COMMD9: variants seen among roughly 807,000 people sequenced by gnomAD.
The protein encoded by COMMD9 is COMM domain-containing protein 9.
Under a neutral mutation model 23.4 loss-of-function variants are expected in COMMD9, and 22 were observed. That is an observed-to-expected ratio of 0.94 (90% CI 0.67 to 1.34). COMMD9 has a LOEUF of 1.34. Ranked by LOEUF, COMMD9 falls within the 40% of genes most tolerant of loss-of-function variation. The probability of loss-of-function intolerance (pLI) is 0.00; values close to 1 mark genes in which losing one functional copy is unlikely to be tolerated. For synonymous variants in COMMD9, 99 were observed against 97.4 expected (o/e 1.02, Z -0.10); for missense variants, 231 against 240.2 (o/e 0.96, Z 0.25).
At chr11:36,278,263 A>G (rs1856007559) in intron 3 of COMMD9, 2 of 505,864 alleles carry the variant, frequency 4.0e-6, no homozygotes, top group Non-Finnish European at 6.9e-6. Context: ...ACAGAGGTGT[A>G]AAGAGGAAAA....
chr11:36,278,978 G>A (rs1751368978), intron 2 of COMMD9, among the ~76,000 whole-genome samples: 1 of 152,170 alleles, frequency 6.6e-6, no homozygotes, highest in South Asian at 2.1e-4. Flanking sequence ...GCAGTGCAAA[G>A]TCAGCTGTGT....
chr11:36,289,345 C>T lies in COMMD9; in HGVS notation c.51+17G>A. Reference sequence around the variant, plus strand: ...GACAAAGGGCCACCTCACGCTGTCCCCACCCCTTCGACTTACCTTGAGCAG... The same window carrying T: ...GACAAAGGGCCACCTCACGCTGTCCTCACCCCTTCGACTTACCTTGAGCAG... On this transcript the variant is annotated intron_variant, in intron 1 of 5. Transcript: ENST00000263401. 5 of 1,551,010 alleles carry T rather than the reference C, an allele frequency of 3.2e-6. No individual in the cohort carries two copies. The highest frequency in any genetic ancestry group is 1.7e-4 in the Middle Eastern group (1 of 5,988).
chr11:36,280,218 C>T (rs1158367738), intron 2 of COMMD9, among the ~76,000 whole-genome samples: 1 of 152,242 alleles, frequency 6.6e-6, no homozygotes, highest in Non-Finnish European at 1.5e-5. Context: ...TAACTTACCA[C>T]AAGTTACCTT....
chr11:36,274,749 G>GCATA lies in COMMD9; in HGVS notation c.476_479dup (p.Gly161MetfsTer39). The GCATA allele has an allele frequency of 6.2e-7, 1 of 1,614,246 alleles. No individual in the cohort carries two copies. The highest frequency in any genetic ancestry group is 8.5e-7 in the Non-Finnish European group (1 of 1,180,024). ...CAGCTGAGATGGAGGGTTTGTCTCC[G>GCATA]CATAGGCTGGGATCTTCTTGGATCT... On this transcript the variant is annotated frameshift_variant, in exon 6 of 6. Coordinates refer to ENST00000263401, the MANE Select transcript of COMMD9 (RefSeq NM_014186.4). LOFTEE classifies it high-confidence loss of function.
intron 1 of COMMD9, among the ~76,000 whole-genome samples, chr11:36,285,397 T>TCC (rs1296331787): frequency 1.3e-4 from 20 of 152,086 alleles, no homozygotes; most frequent in Non-Finnish European, 1.6e-4. Flanking sequence ...TAGACCCAGA[T>TCC]AGTTTAACTG....
intron 3 of COMMD9, chr11:36,278,269 G>GAAA: frequency 2.3e-6 from 1 of 436,682 alleles, no homozygotes; most frequent in Non-Finnish European, 4.0e-6. Flanking sequence ...GTGTAAAGAG[G>GAAA]AAAAAAAAAA....
At chr11:36,286,534 A>C (rs547022386) in intron 1 of COMMD9, among the ~76,000 whole-genome samples, 1 of 151,998 alleles carries the variant, frequency 6.6e-6, no homozygotes, top group African/African-American at 2.4e-5. Flanking sequence ...AGGAGGTGGA[A>C]GTTGCAGTGA....
At chr11:36,285,030 G>A (rs1856128863) in intron 1 of COMMD9, among the ~76,000 whole-genome samples, 1 of 152,100 alleles carries the variant, frequency 6.6e-6, no homozygotes, top group Non-Finnish European at 1.5e-5. Context: ...GATAAGAGCA[G>A]AAACCAATGA....
chr11:36,289,077 A>G (rs1360590028), intron 1 of COMMD9, among the ~76,000 whole-genome samples: 2 of 152,174 alleles, frequency 1.3e-5, no homozygotes, highest in African/African-American at 2.4e-5. Flanking sequence ...TACCACTTCA[A>G]TGCACCAATA....
intron 2 of COMMD9, among the ~76,000 whole-genome samples, chr11:36,279,975 A>G (rs1363266230): frequency 6.6e-6 from 1 of 152,094 alleles, no homozygotes. Context: ...GCATCGTGGC[A>G]TATGCTTGCA....
rs1855921743 is a variant in COMMD9 at position 36,273,912 on chromosome 11, C to G, written c.*720G>C. On this transcript the variant is annotated 3_prime_UTR_variant, in exon 6 of 6. Transcript: ENST00000263401. ...TCATCTTTAAAAACTAGAGAAGGTA[C>G]TGGCCAAAAGCTTCAACTTGGGGAC... 1 of 174,050 alleles carries G rather than the reference C, an allele frequency of 5.7e-6. No homozygotes were observed. Among genetic ancestry groups the G allele is most frequent in the Non-Finnish European group, 1.2e-5 (1 of 80,256 alleles). 10.8% of individuals were successfully genotyped at this position (174,050 alleles called of 1,614,324 possible).
intron 1 of COMMD9, 75 bp downstream of exon 1, chr11:36,289,287 G>A (rs1856226777): frequency 7.0e-7 from 1 of 1,424,864 alleles, no homozygotes; most frequent in Non-Finnish European, 9.6e-7. Context: ...GGGTCAATTT[G>A]TTCCCAATTC....
intron 1 of COMMD9, among the ~76,000 whole-genome samples, chr11:36,283,433 A>G (rs1372898267): frequency 6.6e-6 from 1 of 152,212 alleles, no homozygotes; most frequent in African/African-American, 2.4e-5. Flanking sequence ...ATGAGGGAAG[A>G]TAAAGAGGTA....
chr11:36,278,343 G>A (rs572284059), intron 3 of COMMD9, 134 bp downstream of exon 3: 729 of 752,552 alleles, frequency 9.7e-4, no homozygotes, highest in Non-Finnish European at 1.4e-3. Flanking sequence ...TGGAATTACA[G>A]GTGTCTTATT....
intron 5 of COMMD9, among the ~76,000 whole-genome samples, chr11:36,275,730 C>T (rs750432774): frequency 5.3e-5 from 8 of 152,238 alleles, no homozygotes; most frequent in Non-Finnish European, 1.0e-4. Flanking sequence ...GCGTAAGCCA[C>T]TGCTCCCAGC....
chr11:36,288,597 T>C (rs1343462143), intron 1 of COMMD9, among the ~76,000 whole-genome samples: 7 of 151,990 alleles, frequency 4.6e-5, no homozygotes, highest in Admixed American at 3.9e-4. Flanking sequence ...GGTCAGGAGT[T>C]CAAGACCAGC....
chr11:36,286,909 G>A (rs1297238021), intron 1 of COMMD9, among the ~76,000 whole-genome samples: 1 of 152,104 alleles, frequency 6.6e-6, no homozygotes, highest in African/African-American at 2.4e-5. Flanking sequence ...GGCTATTCAT[G>A]AGGAATCTTT....
intron 5 of COMMD9, among the ~76,000 whole-genome samples, chr11:36,275,804 G>A (rs1408781180): frequency 1.3e-5 from 2 of 152,174 alleles, no homozygotes; most frequent in African/African-American, 4.8e-5. Context: ...TGGACAAGAA[G>A]TTGCTGAAGT....
chr11:36,284,141 C>CAAA (rs1163351909), intron 1 of COMMD9, among the ~76,000 whole-genome samples: 1 of 144,646 alleles, frequency 6.9e-6, no homozygotes, highest in Non-Finnish European at 1.5e-5. Context: ...ACAACAACAA[C>CAAA]AAATCTCCCT....
Sources: allele counts gnomAD v4.1 joint callset (sites outside exome capture counted in the v4.1 genomes callset), GRCh38; gene constraint gnomAD v4.1.1; transcripts MANE v1.5; gene names NCBI Gene and HGNC (gene_info 2026-07-23, HGNC 2026-07-21).